RASL10B: variants seen among roughly 807,000 people sequenced by gnomAD.
RASL10B encodes ras-like protein family member 10B.
In RASL10B, 10 loss-of-function variants were observed where a neutral mutation model predicts 20.7. The observed-to-expected ratio is 0.48, with a 90% CI of 0.30 to 0.82. The LOEUF (loss-of-function observed/expected upper bound fraction) is 0.82, where lower values mean the gene tolerates loss of function less well. Ranked by LOEUF, RASL10B falls within the 40% of genes least tolerant of loss-of-function variation. The pLI is 0.07. For missense variants in RASL10B, 231 were observed against 295.4 expected (o/e 0.78, Z 1.60); for synonymous variants, 110 against 123.3 (o/e 0.89, Z 0.72).
intron 1 of RASL10B, among the ~76,000 whole-genome samples, chr17:35,734,626 T>C (rs1440482813): frequency 6.6e-6 from 1 of 151,980 alleles, no homozygotes; most frequent in East Asian, 1.9e-4. Context: ...ACAATCGAGT[T>C]CTCTCCCCAC....
intron 1 of RASL10B, among the ~76,000 whole-genome samples, chr17:35,733,270 C>G (rs2085570633): frequency 6.6e-6 from 1 of 152,112 alleles, no homozygotes; most frequent in Non-Finnish European, 1.5e-5. Context: ...AATGAATGAC[C>G]CCTGCCCATA....
chr17:35,739,326 G>A (rs2085613631), intron 2 of RASL10B, among the ~76,000 whole-genome samples: 1 of 152,176 alleles, frequency 6.6e-6, no homozygotes, highest in Non-Finnish European at 1.5e-5. Context: ...TTTTGCCTGG[G>A]CTTTGGTGGG....
In RASL10B at chr17:35,735,393, C is replaced by A. The variant is rs1403129089; in HGVS notation, c.209C>A (p.Thr70Lys). The change falls in exon 2 of 4, where the codon ACG (threonine) becomes AAG (lysine). Residue 70 changes from threonine to lysine, a missense_variant. Coordinates refer to ENST00000603017, the MANE Select transcript of RASL10B (RefSeq NM_033315.4). This position sits in a 1 kb window ranked among gnomAD's most constrained non-coding sequence, Gnocchi z 6.7. ...FPPISAFPVN[T>K]LQEWADTCCR... ...CCCATCAGCGCCTTCCCTGTCAATA[C>A]GCTCCAGGTAGGAGGACCCTGGGGG... 3 of 1,613,974 alleles carry A rather than the reference C, an allele frequency of 1.9e-6. No homozygotes were observed. In the African/African-American group the frequency reaches 4.0e-5, roughly 22 times the overall value.
At chr17:35,740,386 G>A (rs782378207) in intron 2 of RASL10B, 23 bp from the exon 3 acceptor site, 2 of 1,611,018 alleles carry the variant, frequency 1.2e-6, no homozygotes, top group South Asian at 2.2e-5. Context: ...CTCTGACCCT[G>A]GTACTGGCTG....
chr17:35,739,469 C>A (rs2085614657), intron 2 of RASL10B, among the ~76,000 whole-genome samples: 1 of 152,174 alleles, frequency 6.6e-6, no homozygotes, highest in African/African-American at 2.4e-5. Flanking sequence ...GTTAAGGAAA[C>A]TTCTCTTTAG....
Position 35,735,221 on chromosome 17 carries a change from C to T in RASL10B, c.37C>T (p.Arg13Ter), listed in dbSNP as rs1555596978. ...STYRVAVLGA[R>*]GVGKSAIVRQ... Reference sequence around the variant, plus strand: ...CTACCGGGTGGCCGTGCTGGGGGCGCGAGGTGTGGGCAAGAGTGCCATCGT... The same window carrying T: ...CTACCGGGTGGCCGTGCTGGGGGCGTGAGGTGTGGGCAAGAGTGCCATCGT... Residue 13 changes from arginine to a stop codon, truncating the protein, a stop_gained, in exon 2 of 4, where the codon CGA becomes TGA. Coordinates refer to ENST00000603017, the MANE Select transcript of RASL10B (RefSeq NM_033315.4). LOFTEE classifies it high-confidence loss of function. This position sits in a 1 kb window ranked among gnomAD's most constrained non-coding sequence, Gnocchi z 6.7. 3 of 1,612,506 alleles carry T rather than the reference C, an allele frequency of 1.9e-6. No homozygotes were observed. The highest frequency in any genetic ancestry group is 2.5e-6 in the Non-Finnish European group (3 of 1,179,920).
rs186634520 is a variant in RASL10B at position 35,742,970 on chromosome 17, G to C, written c.*1665G>C. ...CGGATTCCCACTCTGTCCACCAAGTGGGGGGTAGCACAGCCTCACAGCAAC... is the reference window on the plus strand; with the variant it reads ...CGGATTCCCACTCTGTCCACCAAGTCGGGGGTAGCACAGCCTCACAGCAAC... On this transcript the variant is annotated 3_prime_UTR_variant, in exon 4 of 4. Transcript: ENST00000603017. 3.9e-5 allele frequency: 6 copies of C among 152,566 alleles called. No homozygotes were observed. Among genetic ancestry groups the C allele is most frequent in the Admixed American group, 3.3e-4 (5 of 15,290 alleles). The allele number at this position is 152,566 out of a possible 1,614,324, so 9.5% of individuals were successfully genotyped here. A position where few individuals can be genotyped will look rare whatever the true frequency, so the allele number is the denominator to read the frequency against.
chr17:35,738,426 C>G (rs2085608771), intron 2 of RASL10B, among the ~76,000 whole-genome samples: 2 of 152,130 alleles, frequency 1.3e-5, no homozygotes, highest in African/African-American at 4.8e-5. Context: ...TTCTCCAATG[C>G]CAGATGAGAT....
chr17:35,735,234 A>G lies in RASL10B; in HGVS notation c.50A>G (p.Lys17Arg). The change falls in exon 2 of 4, where the codon AAG becomes AGG. Residue 17 changes from lysine to arginine, a missense_variant. Transcript: ENST00000603017. The surrounding 1 kb of genome is among the most constrained non-coding windows in gnomAD (Gnocchi z 6.7). ...GTGCTGGGGGCGCGAGGTGTGGGCA[A>G]GAGTGCCATCGTGCGCCAGTTCTTG... ...VAVLGARGVG[K>R]SAIVRQFLYN... 1.2e-6 allele frequency: 2 copies of G among 1,613,364 alleles called. No homozygotes were observed. The highest frequency in any genetic ancestry group is 1.7e-6 in the Non-Finnish European group (2 of 1,179,998).
In RASL10B at chr17:35,741,346, G is replaced by C. The variant is rs1198839830; in HGVS notation, c.*41G>C. 2.9e-6 allele frequency: 4 copies of C among 1,400,754 alleles called. No homozygotes were observed. The African/African-American group carries it at 6.0e-5, about 21-fold the overall frequency. The allele number at this position is 1,400,754 out of a possible 1,614,324, so 86.8% of individuals were successfully genotyped here. A position where few individuals can be genotyped will look rare whatever the true frequency, so the allele number is the denominator to read the frequency against. On this transcript the variant is annotated 3_prime_UTR_variant, in exon 4 of 4. Coordinates refer to ENST00000603017, the MANE Select transcript of RASL10B (RefSeq NM_033315.4). The stretch of plus-strand genomic sequence containing the variant: ...CGGGCTGCACCGGCACTGGCCGAGC[G>C]GAGGGCGGGGCCGTACTGCGGGGCT...
chr17:35,737,721 A>G (rs1467202746), intron 2 of RASL10B, among the ~76,000 whole-genome samples: 1 of 151,832 alleles, frequency 6.6e-6, no homozygotes, highest in Admixed American at 6.6e-5. Context: ...GGGCAACATG[A>G]CAAAACTCCG....
intron 2 of RASL10B, among the ~76,000 whole-genome samples, chr17:35,737,400 C>A (rs2085599909): frequency 6.6e-6 from 1 of 152,116 alleles, no homozygotes; most frequent in South Asian, 2.1e-4. Context: ...CATGGCCACG[C>A]CCTACTCCAT....
chr17:35,738,710 C>T (rs587732177), intron 2 of RASL10B, among the ~76,000 whole-genome samples: 2 of 152,270 alleles, frequency 1.3e-5, no homozygotes, highest in Admixed American at 6.5e-5. Context: ...GATAAGCTAG[C>T]CAATCAGGGG....
intron 1 of RASL10B, among the ~76,000 whole-genome samples, chr17:35,733,005 A>C (rs1457517269): frequency 1.3e-5 from 2 of 152,204 alleles, no homozygotes; most frequent in East Asian, 3.8e-4. Flanking sequence ...CTGTTGGAGA[A>C]GGGACACTGC....
In RASL10B at chr17:35,742,259, GC is replaced by G. The variant is rs1315707993; in HGVS notation, c.*957del. On this transcript the variant is annotated 3_prime_UTR_variant, in exon 4 of 4. Coordinates refer to ENST00000603017, the MANE Select transcript of RASL10B (RefSeq NM_033315.4). ...GGGGTCTGGTCGTGGGCAGGATGGT[GC>G]CCAGAAGGGGGTTAGGTTGTCCCAG... The G allele has an allele frequency of 6.6e-6, 1 of 152,410 alleles. No individual in the cohort carries two copies. The highest frequency in any genetic ancestry group is 3.1e-3 in the Middle Eastern group (1 of 322). The allele number at this position is 152,410 out of a possible 1,614,324, so 9.4% of individuals were successfully genotyped here.
intron 1 of RASL10B, among the ~76,000 whole-genome samples, chr17:35,734,270 T>A (rs1215409831): frequency 6.6e-6 from 1 of 152,122 alleles, no homozygotes; most frequent in Non-Finnish European, 1.5e-5. Context: ...AACTTGAAAG[T>A]TGGAAGAAGT....
intron 2 of RASL10B, among the ~76,000 whole-genome samples, chr17:35,738,505 A>G (rs1275055077): frequency 6.6e-6 from 1 of 152,138 alleles, no homozygotes; most frequent in Non-Finnish European, 1.5e-5. Context: ...CTATCAGAGA[A>G]GGAAGCTGAG....
Position 35,741,035 on chromosome 17 carries a change from G to A in RASL10B, c.342G>A (p.Arg114=), listed in dbSNP as rs782382782. 2.5e-6 allele frequency: 4 copies of A among 1,597,268 alleles called. No homozygotes were observed. Among genetic ancestry groups the A allele is most frequent in the Non-Finnish European group, 3.4e-6 (4 of 1,168,628 alleles). The change falls in exon 4 of 4, where the codon AGG becomes AGA. Residue 114 remains arginine, a splice_region_variant and synonymous_variant. Coordinates refer to ENST00000603017, the MANE Select transcript of RASL10B (RefSeq NM_033315.4). Reference sequence around the variant, plus strand: ...CTGAGCTGCCTGCCTCGCCCCACAGGGTGATCGGAACCTCAGAGACGCCCA... The same window carrying A: ...CTGAGCTGCCTGCCTCGCCCCACAGAGTGATCGGAACCTCAGAGACGCCCA... ...KTIRQQILET[R]VIGTSETPII...
At chr17:35,737,881 A>G (rs1482205558) in intron 2 of RASL10B, among the ~76,000 whole-genome samples, 2 of 147,242 alleles carry the variant, frequency 1.4e-5, no homozygotes, top group Non-Finnish European at 3.0e-5. Flanking sequence ...AACTTGGGTG[A>G]CAGAGTGAGG....
Sources: gnomAD v4.1 joint callset for allele counts (sites outside exome capture counted in the v4.1 genomes callset) on GRCh38, gnomAD v4.1.1 for gene constraint, Gnocchi (gnomAD v3.1) non-coding constraint, MANE v1.5 for transcripts, NCBI Gene and HGNC (gene_info 2026-07-23, HGNC 2026-07-21) for gene names.